Variants in BLK observed in about 807,000 individuals in gnomAD.
BLK encodes BLK proto-oncogene, Src family tyrosine kinase.
BLK carries 64 observed loss-of-function variants against 61.8 expected under a neutral mutation model. That is an observed-to-expected ratio of 1.03 (90% CI 0.85 to 1.27). BLK has a LOEUF of 1.27. Ranked by LOEUF, BLK falls within the 50% of genes most tolerant of loss-of-function variation. The pLI is 0.00. For synonymous variants in BLK, 351 were observed against 272.0 expected, an observed-to-expected ratio of 1.29 and a Z score of -2.86; for missense variants, 853 against 660.5, an observed-to-expected ratio of 1.29 and a Z score of -3.19.
At chr8:11,511,239 G>A (rs1404035566) in intron 1 of BLK, among the ~76,000 whole-genome samples, 1 of 152,082 alleles carries the variant, frequency 6.6e-6, no homozygotes, top group Non-Finnish European at 1.5e-5. Flanking sequence ...TCTTCACACA[G>A]CAATGAGAAC....
At chr8:11,546,807 C>T (rs1800666475) in intron 3 of BLK, among the ~76,000 whole-genome samples, 1 of 152,216 alleles carries the variant, frequency 6.6e-6, no homozygotes, top group South Asian at 2.1e-4. Flanking sequence ...AACTCCTGAC[C>T]TCAGGTGATC....
intron 1 of BLK, among the ~76,000 whole-genome samples, chr8:11,542,347 C>A (rs957830377): frequency 6.6e-6 from 1 of 152,238 alleles, no homozygotes; most frequent in Non-Finnish European, 1.5e-5. Context: ...CCACTAACAA[C>A]ACGCCCTTCT....
At chr8:11,558,857 G>A (rs1801349740) in intron 10 of BLK, 3 of 455,440 alleles carry the variant, frequency 6.6e-6, no homozygotes, top group South Asian at 1.6e-5. Context: ...GAGAGGAAAC[G>A]CTCCCACCCA....
At chr8:11,529,022 A>G (rs952992666) in intron 1 of BLK, among the ~76,000 whole-genome samples, 2 of 152,168 alleles carry the variant, frequency 1.3e-5, no homozygotes, top group African/African-American at 2.4e-5. Context: ...ATGGGTTGAT[A>G]GGTGCAGCAA....
Position 11,561,457 on chromosome 8 carries a change from G to A in BLK, c.1180+5G>A. ...GTGAATACACGGCCCAAGAGGGTAA[G>A]CACAGCCCCTAACCACAAGGGAAAC... On this transcript the variant is annotated splice_donor_5th_base_variant and intron_variant, in intron 11 of 12. Coordinates refer to ENST00000259089, the MANE Select transcript of BLK (RefSeq NM_001715.3). 5 of 1,613,532 alleles carry A rather than the reference G, an allele frequency of 3.1e-6. No homozygotes were observed. The highest frequency in any genetic ancestry group is 1.7e-6 in the Non-Finnish European group (2 of 1,179,818).
In BLK at chr8:11,554,894, G is replaced by A; in HGVS notation, c.619+5G>A. 4 of 1,612,266 alleles carry A rather than the reference G, an allele frequency of 2.5e-6. No homozygotes were observed. Among genetic ancestry groups the A allele is most frequent in the Non-Finnish European group, 2.5e-6 (3 of 1,179,946 alleles). On this transcript the variant is annotated splice_donor_5th_base_variant and intron_variant, in intron 7 of 12. Transcript: ENST00000259089. ...CCCTGGTGCAGCACTATTCTAGTAA[G>A]AGGGGGCGTGCAATGGGGGCAGGGA...
chr8:11,522,140 G>C (rs922303522), intron 1 of BLK, among the ~76,000 whole-genome samples: 3 of 151,778 alleles, frequency 2.0e-5, no homozygotes, highest in African/African-American at 7.3e-5. Context: ...ATTTTATTAG[G>C]TCCATTTCTA....
intron 2 of BLK, among the ~76,000 whole-genome samples, chr8:11,544,741 T>C (rs962586818): frequency 5.3e-5 from 8 of 152,238 alleles, no homozygotes; most frequent in African/African-American, 1.7e-4. Flanking sequence ...TCATTTCATG[T>C]GTTCCTATTT....
At chr8:11,558,101 C>T in intron 10 of BLK, 63 bp downstream of exon 10, 1 of 1,518,222 alleles carries the variant, frequency 6.6e-7, no homozygotes, top group Non-Finnish European at 9.1e-7. Context: ...ACAATGGCTG[C>T]TCGTGCCTTA....
intron 8 of BLK, 82 bp downstream of exon 8, chr8:11,555,566 G>A: frequency 1.3e-6 from 2 of 1,591,018 alleles, no homozygotes; most frequent in African/African-American, 1.3e-5. Context: ...CATTTTCATA[G>A]CGTGTCATCC....
chr8:11,546,226 G>C, intron 3 of BLK, 123 bp downstream of exon 3: 1 of 1,168,396 alleles, frequency 8.6e-7, no homozygotes, highest in Non-Finnish European at 1.3e-6. Context: ...AAACGGGGAA[G>C]CTGAGAGAGG....
At chr8:11,557,277 C>G (rs1801281442) in intron 9 of BLK, among the ~76,000 whole-genome samples, 1 of 152,324 alleles carries the variant, frequency 6.6e-6, no homozygotes, top group South Asian at 2.1e-4. Context: ...TTGATGGCCT[C>G]TGAGGTCCAC....
intron 1 of BLK, among the ~76,000 whole-genome samples, chr8:11,516,661 C>T (rs1048463698): frequency 2.6e-5 from 4 of 152,184 alleles, no homozygotes; most frequent in African/African-American, 9.6e-5. Flanking sequence ...TTAGGGACTT[C>T]ATTTAGGTGG....
chr8:11,561,901 C>T (rs1801519332), intron 11 of BLK, among the ~76,000 whole-genome samples: 4 of 152,004 alleles, frequency 2.6e-5, no homozygotes, highest in Admixed American at 2.6e-4. Flanking sequence ...TCACTGCAAC[C>T]TCCGCCTCCT....
At chr8:11,499,325 C>T (rs1225874493) in intron 1 of BLK, among the ~76,000 whole-genome samples, 3 of 152,148 alleles carry the variant, frequency 2.0e-5, no homozygotes, top group African/African-American at 7.2e-5. Context: ...ATACGATGTT[C>T]GCAGAACAAC....
At chr8:11,537,947 G>A (rs527753969) in intron 1 of BLK, among the ~76,000 whole-genome samples, 2 of 152,162 alleles carry the variant, frequency 1.3e-5, no homozygotes, top group African/African-American at 4.8e-5. Context: ...GGCCTAGCTG[G>A]TTTCAAATAA....
chr8:11,512,547 T>C lies in BLK; in HGVS notation c.-2+17956T>C, dbSNP rs114824021. Among the ~76,000 whole-genome samples, 1,379 of 152,350 alleles carry C rather than the reference T, an allele frequency of 9.1e-3. 9 individuals carry two copies. Among genetic ancestry groups the C allele is most frequent in the Middle Eastern group, 0.044 (13 of 294 alleles). ...AATTATTTTAGTATTATCAATTTGA[T>C]CCTTTAAGGCAGGCAGAAAACATAT... On this transcript the variant is annotated intron_variant, in intron 1 of 12. Coordinates refer to ENST00000259089, the MANE Select transcript of BLK (RefSeq NM_001715.3).
chr8:11,562,018 C>A (rs1444105965), intron 11 of BLK, among the ~76,000 whole-genome samples: 1 of 152,106 alleles, frequency 6.6e-6, no homozygotes, highest in African/African-American at 2.4e-5. Context: ...GGGGTTTCAC[C>A]ATGTTGGCCA....
intron 1 of BLK, among the ~76,000 whole-genome samples, chr8:11,534,401 C>T (rs774418695): frequency 6.6e-6 from 1 of 151,482 alleles, no homozygotes; most frequent in African/African-American, 2.4e-5. Flanking sequence ...ACATGGTGTT[C>T]CCCCCCCAAA....
Sources: gnomAD v4.1 joint callset for allele counts (sites outside exome capture counted in the v4.1 genomes callset) on GRCh38, gnomAD v4.1.1 for gene constraint, MANE v1.5 for transcripts, NCBI Gene and HGNC (gene_info 2026-07-23, HGNC 2026-07-21) for gene names.